Variants in RBPMS observed in about 807,000 individuals in gnomAD.
The protein encoded by RBPMS is RNA-binding protein with multiple splicing.
In RBPMS, 7 loss-of-function variants were observed where a neutral mutation model predicts 26.8. The ratio of observed to expected loss-of-function variants is 0.26; its 90% CI spans 0.15 to 0.49. The LOEUF (loss-of-function observed/expected upper bound fraction) is 0.49. Ranked by LOEUF, RBPMS falls within the 20% of genes least tolerant of loss-of-function variation. The pLI is 0.98. For missense variants in RBPMS, 186 were observed against 250.0 expected, an observed-to-expected ratio of 0.74 and a Z score of 1.73; for synonymous variants, 96 against 93.3, an observed-to-expected ratio of 1.03 and a Z score of -0.17.
intron 6 of RBPMS, chr8:30,558,182 T>G (rs1827131913): frequency 6.6e-6 from 1 of 152,302 alleles, no homozygotes; most frequent in Non-Finnish European, 1.5e-5. Context: ...CATGTTTTCC[T>G]TGGCATAGGA....
chr8:30,494,329 AAGG>A (rs1396287440), intron 4 of RBPMS, among the ~76,000 whole-genome samples: 2 of 152,232 alleles, frequency 1.3e-5, no homozygotes, highest in African/African-American at 2.4e-5. Flanking sequence ...AAAAAAGCCA[AAGG>A]AGAAGAATCC....
At chr8:30,513,007 CACCCT>C (rs902691604) in intron 5 of RBPMS, among the ~76,000 whole-genome samples, 17 of 151,710 alleles carry the variant, frequency 1.1e-4, no homozygotes, top group Non-Finnish European at 2.2e-4. Context: ...CACCCCACCC[CACCCT>C]GAGATTTTGG....
chr8:30,504,847 G>A (rs1263817426), intron 5 of RBPMS, among the ~76,000 whole-genome samples: 1 of 152,132 alleles, frequency 6.6e-6, no homozygotes, highest in Non-Finnish European at 1.5e-5. Context: ...GATATTAAAA[G>A]AGAAAGAAGC....
chr8:30,458,203 A>AT (rs1237163348), intron 1 of RBPMS, among the ~76,000 whole-genome samples: 1 of 152,112 alleles, frequency 6.6e-6, no homozygotes, highest in East Asian at 1.9e-4. Context: ...CTACAGATGC[A>AT]TTTTTTTTCC....
chr8:30,472,863 C>A (rs995821788), intron 1 of RBPMS, among the ~76,000 whole-genome samples: 1 of 152,104 alleles, frequency 6.6e-6, no homozygotes. Context: ...ATCTCTTGAG[C>A]TCAGGAGTTT....
chr8:30,528,227 G>A (rs1372401510), intron 5 of RBPMS, among the ~76,000 whole-genome samples: 1 of 152,144 alleles, frequency 6.6e-6, no homozygotes, highest in Non-Finnish European at 1.5e-5. Flanking sequence ...TTTAGTGGTG[G>A]ATTGTGTGTG....
chr8:30,461,650 C>T (rs1413419074), intron 1 of RBPMS, among the ~76,000 whole-genome samples: 1 of 152,182 alleles, frequency 6.6e-6, no homozygotes, highest in African/African-American at 2.4e-5. Flanking sequence ...CCGCCTTGAC[C>T]TCCCAAAGTG....
intron 7 of RBPMS, among the ~76,000 whole-genome samples, chr8:30,563,877 C>T (rs1014812066): frequency 2.1e-4 from 32 of 152,178 alleles, no homozygotes; most frequent in Admixed American, 1.4e-3. Context: ...TATCACACTG[C>T]GGTGCACCCA....
intron 5 of RBPMS, among the ~76,000 whole-genome samples, chr8:30,506,656 T>C (rs1821100143): frequency 6.6e-6 from 1 of 152,186 alleles, no homozygotes; most frequent in Admixed American, 6.5e-5. Flanking sequence ...TTATCAGGTG[T>C]AGAATATAAT....
rs1226530706 is a variant in RBPMS at position 30,418,490 on chromosome 8, C to G, written c.66+33332C>G. On this transcript the variant is annotated intron_variant, in intron 1 of 8. Coordinates refer to ENST00000397323, the MANE Select transcript of RBPMS (RefSeq NM_001008710.3). ...TGTATCATTTTCAAGTGTTCATTAGCTATTTTTAGTTTTTCCACAATTTGG... is the reference window on the plus strand; with the variant it reads ...TGTATCATTTTCAAGTGTTCATTAGGTATTTTTAGTTTTTCCACAATTTGG... 2.0e-5 allele frequency among the ~76,000 whole-genome samples: 3 copies of G among 152,082 alleles called. No homozygotes were observed. In the East Asian group the frequency reaches 5.8e-4, roughly 29 times the overall value.
intron 1 of RBPMS, chr8:30,442,513 T>A (rs981839038): frequency 6.6e-6 from 1 of 151,854 alleles, no homozygotes; most frequent in Non-Finnish European, 1.5e-5. Flanking sequence ...AGCCAGTCGC[T>A]GCCTTTTCCA....
intron 5 of RBPMS, among the ~76,000 whole-genome samples, chr8:30,531,116 T>C (rs1240796731): frequency 2.0e-5 from 3 of 152,112 alleles, no homozygotes; most frequent in South Asian, 2.1e-4. Context: ...GATTTGAACA[T>C]TAAGGTATTT....
chr8:30,486,986 G>T (rs961676057), intron 4 of RBPMS, among the ~76,000 whole-genome samples: 2 of 152,118 alleles, frequency 1.3e-5, no homozygotes, highest in Admixed American at 1.3e-4. Flanking sequence ...TGGTTTTTCA[G>T]ACATTTCAGA....
intron 1 of RBPMS, among the ~76,000 whole-genome samples, chr8:30,393,770 C>T (rs1808066926): frequency 3.3e-5 from 5 of 152,076 alleles, no homozygotes; most frequent in Non-Finnish European, 7.4e-5. Flanking sequence ...CCACCCGCCT[C>T]GGCCTGCCAA....
intron 5 of RBPMS, among the ~76,000 whole-genome samples, chr8:30,535,896 C>A (rs757420432): frequency 6.6e-6 from 1 of 152,148 alleles, no homozygotes; most frequent in Non-Finnish European, 1.5e-5. Context: ...CACATGGGCT[C>A]AGGAGTTGAA....
chr8:30,410,518 CTT>C (rs978646582), intron 1 of RBPMS, among the ~76,000 whole-genome samples: 2 of 151,906 alleles, frequency 1.3e-5, no homozygotes, highest in South Asian at 2.1e-4. Flanking sequence ...AACTACTACT[CTT>C]TTATATTTCT....
intron 5 of RBPMS, among the ~76,000 whole-genome samples, chr8:30,520,813 T>C (rs994759839): frequency 6.6e-6 from 1 of 152,086 alleles, no homozygotes; most frequent in African/African-American, 2.4e-5. Context: ...ATAAAATTTT[T>C]AGAAAGGAAA....
At chr8:30,473,553 A>G (rs532447553) in intron 1 of RBPMS, among the ~76,000 whole-genome samples, 15 of 152,304 alleles carry the variant, frequency 9.8e-5, no homozygotes, top group African/African-American at 3.4e-4. Flanking sequence ...TCAAAGATCT[A>G]GAAGCAGAAC....
intron 1 of RBPMS, among the ~76,000 whole-genome samples, chr8:30,450,341 A>G (rs1814417513): frequency 6.6e-6 from 1 of 152,236 alleles, no homozygotes; most frequent in Non-Finnish European, 1.5e-5. Flanking sequence ...TAGATGGACT[A>G]TCTTAGATTT....
Sources: allele counts gnomAD v4.1 joint callset (sites outside exome capture counted in the v4.1 genomes callset), GRCh38; gene constraint gnomAD v4.1.1; transcripts MANE v1.5; gene names NCBI Gene and HGNC (gene_info 2026-07-23, HGNC 2026-07-21).